TMPRSS4: variants seen among roughly 807,000 people sequenced by gnomAD.
TMPRSS4 encodes the protein transmembrane protease serine 4.
In TMPRSS4, 45 loss-of-function variants were observed where a neutral mutation model predicts 56.4. That is an observed-to-expected ratio of 0.80 (90% confidence interval 0.63 to 1.02). The LOEUF is 1.02. Ranked by LOEUF, TMPRSS4 falls within the 50% of genes least tolerant of loss-of-function variation. The pLI is 0.00. For synonymous variants in TMPRSS4, 205 were observed against 211.0 expected, an observed-to-expected ratio of 0.97 and a Z score of 0.25; for missense variants, 546 against 556.7, an observed-to-expected ratio of 0.98 and a Z score of 0.19.
At chr11:118,103,987 A>C (rs1946863196) in intron 4 of TMPRSS4, among the ~76,000 whole-genome samples, 1 of 152,210 alleles carries the variant, frequency 6.6e-6, no homozygotes, top group Non-Finnish European at 1.5e-5. Context: ...ATGCTATGTG[A>C]CAGGACTGAG....
chr11:118,114,861 G>T lies in TMPRSS4; in HGVS notation c.943G>T (p.Asp315Tyr), dbSNP rs145769991. 6.2e-7 allele frequency: 1 copy of T among 1,609,216 alleles called. No individual in the cohort carries two copies. The highest frequency in any genetic ancestry group is 8.5e-7 in the Non-Finnish European group (1 of 1,178,002). The stretch of plus-strand genomic sequence containing the variant: ...CAGGCCCATCTGTCTGCCCTTCTTT[G>T]ATGAGGAGCTCACTCCAGCCACCCC... The part of the protein sequence containing the change: ...TVRPICLPFF[D>Y]EELTPATPLW... The change falls in exon 10 of 13, where the codon GAT becomes TAT. Residue 315 changes from aspartate to tyrosine, a missense_variant. Transcript: ENST00000437212.
rs1454647340 is a variant in TMPRSS4, at chr11:118,119,767, C to G, written c.*1854C>G. On this transcript the variant is annotated 3_prime_UTR_variant, in exon 13 of 13. Transcript: ENST00000437212. The stretch of plus-strand genomic sequence containing the variant: ...AATACAGAGTTCATGCTGTAAACTA[C>G]CACACTATAGGGCCTCCAATATGAT... 6.6e-6 allele frequency: 1 copy of G among 152,160 alleles called. No homozygotes were observed. The highest frequency in any genetic ancestry group is 1.5e-5 in the Non-Finnish European group (1 of 68,030). 9.4% of individuals were successfully genotyped at this position (152,160 alleles called of 1,614,324 possible).
Position 118,114,913 on chromosome 11 carries a change from C to A in TMPRSS4, c.995C>A (p.Thr332Lys), listed in dbSNP as rs201401144. ...TPLWIIGWGF[T>K]KQNGGKMSDI... is the part of the protein sequence containing the mutation. ...CTCTGGATCATTGGATGGGGCTTTA[C>A]GAAGCAGAATGGAGGTAAGTCCTGG... The change falls in exon 10 of 13, where the codon ACG (threonine) becomes AAG (lysine). Residue 332 changes from threonine to lysine, a missense_variant. Coordinates refer to ENST00000437212, the MANE Select transcript of TMPRSS4 (RefSeq NM_019894.4). 25 of 1,603,006 alleles carry A rather than the reference C, an allele frequency of 1.6e-5. No individual in the cohort carries two copies. The highest frequency in any genetic ancestry group is 2.1e-5 in the Non-Finnish European group (25 of 1,174,524).
At chr11:118,078,262 G>A (rs1042208197) in intron 1 of TMPRSS4, among the ~76,000 whole-genome samples, 40 of 152,080 alleles carry the variant, frequency 2.6e-4, no homozygotes, top group Admixed American at 5.2e-4. Flanking sequence ...TGGGTCTGAG[G>A]AGGAACCCAG....
At chr11:118,099,356 G>C (rs1302240101) in intron 3 of TMPRSS4, among the ~76,000 whole-genome samples, 1 of 151,568 alleles carries the variant, frequency 6.6e-6, no homozygotes, top group Non-Finnish European at 1.5e-5. Flanking sequence ...ACAGTCAGGG[G>C]CAGGTGATCT....
At chr11:118,111,942 A>G (rs749789734) in intron 8 of TMPRSS4, 42 bp downstream of exon 8, 1 of 1,585,890 alleles carries the variant, frequency 6.3e-7, no homozygotes, top group Non-Finnish European at 8.6e-7. Flanking sequence ...GACCAAGGCC[A>G]GTCAGGGACC....
intron 4 of TMPRSS4, 119 bp from the exon 5 acceptor site, chr11:118,104,572 G>A (rs1946889211): frequency 1.6e-5 from 24 of 1,490,960 alleles, no homozygotes; most frequent in Non-Finnish European, 2.0e-5. Context: ...AAGTGTTGGG[G>A]CTCTGTGGCA....
At position 118,117,985 on chromosome 11, in the gene TMPRSS4, A is replaced by G. The variant is rs1457708470; in HGVS notation, c.*72A>G. The stretch of plus-strand genomic sequence containing the variant: ...GCCCACCTGGGGATCCCCCAAAGTC[A>G]GACACAGAGCAAGAGTCCCCTTGGG... On this transcript the variant is annotated 3_prime_UTR_variant, in exon 13 of 13. Coordinates refer to ENST00000437212, the MANE Select transcript of TMPRSS4 (RefSeq NM_019894.4). 5.0e-6 allele frequency: 8 copies of G among 1,611,068 alleles called. No individual in the cohort carries two copies. The highest frequency in any genetic ancestry group is 5.9e-6 in the Non-Finnish European group (7 of 1,179,876).
rs1662428022 is a variant in TMPRSS4 at position 118,119,498 on chromosome 11, C to G, written c.*1585C>G. 2 of 295,700 alleles carry G rather than the reference C, an allele frequency of 6.8e-6. No individual in the cohort carries two copies. Among genetic ancestry groups the G allele is most frequent in the Non-Finnish European group, 1.0e-5 (2 of 199,564 alleles). 18.3% of individuals were successfully genotyped at this position (295,700 alleles called of 1,614,324 possible). A position where few individuals can be genotyped will look rare whatever the true frequency, so the allele number is the denominator to read the frequency against. On this transcript the variant is annotated 3_prime_UTR_variant, in exon 13 of 13. Coordinates refer to ENST00000437212, the MANE Select transcript of TMPRSS4 (RefSeq NM_019894.4). ...AGCATAAAAAACAGCTAATTTAGAA[C>G]CCCAAAGGCTTCAGATGTCAGAATA... is the stretch of plus-strand genomic sequence containing the variant.
At chr11:118,082,180 GC>G (rs761246100) in intron 1 of TMPRSS4, among the ~76,000 whole-genome samples, 2 of 152,182 alleles carry the variant, frequency 1.3e-5, no homozygotes, top group African/African-American at 4.8e-5. Flanking sequence ...CCCATGTTGT[GC>G]TTTGAGAAGC....
chr11:118,093,441 C>T (rs1834387058), intron 1 of TMPRSS4, among the ~76,000 whole-genome samples: 1 of 152,194 alleles, frequency 6.6e-6, no homozygotes, highest in African/African-American at 2.4e-5. Context: ...GTTCAGAGGG[C>T]ATAAACCCAG....
In TMPRSS4 at chr11:118,118,389, T is replaced by A; in HGVS notation, c.*476T>A. On this transcript the variant is annotated 3_prime_UTR_variant, in exon 13 of 13. Transcript: ENST00000437212. ...GCCCTACTGTTGGTATGACTACCGTTACCTACTGTTGTCATTGTTATTACA... is the reference window on the plus strand; with the variant it reads ...GCCCTACTGTTGGTATGACTACCGTAACCTACTGTTGTCATTGTTATTACA... The A allele has an allele frequency of 1.0e-6, 1 of 999,896 alleles. No homozygotes were observed. The highest frequency in any genetic ancestry group is 1.2e-6 in the Non-Finnish European group (1 of 839,832). 61.9% of individuals were successfully genotyped at this position (999,896 alleles called of 1,614,324 possible).
rs1387167563 is a variant in TMPRSS4, at chr11:118,113,373, C to G, written c.848C>G (p.Pro283Arg). ...AAGATCATCATCATTGAATTCAACCCCATGTACCCCAAAGACAATGACATC... is the reference window on the plus strand; with the variant it reads ...AAGATCATCATCATTGAATTCAACCGCATGTACCCCAAAGACAATGACATC... ...VAKIIIIEFNPMYPKDNDIAL... is the reference protein window; with the variant it reads ...VAKIIIIEFNRMYPKDNDIAL... Residue 283 changes from proline (P) to arginine (R), a missense_variant, in exon 9 of 13, where the codon CCC becomes CGC. Transcript: ENST00000437212. 4 of 1,614,048 alleles carry G rather than the reference C, an allele frequency of 2.5e-6. No homozygotes were observed. Among genetic ancestry groups the G allele is most frequent in the Non-Finnish European group, 3.4e-6 (4 of 1,180,042 alleles).
At chr11:118,098,211 C>A (rs1233417792) in intron 2 of TMPRSS4, among the ~76,000 whole-genome samples, 1 of 152,232 alleles carries the variant, frequency 6.6e-6, no homozygotes, top group East Asian at 1.9e-4. Flanking sequence ...ACCCATCCTG[C>A]CTTCCAACTT....
intron 11 of TMPRSS4, among the ~76,000 whole-genome samples, chr11:118,117,039 C>T (rs1947597031): frequency 1.3e-5 from 2 of 152,138 alleles, no homozygotes; most frequent in African/African-American, 2.4e-5. Flanking sequence ...AGACATCACT[C>T]AGAGCCTTTA....
chr11:118,116,736 C>T (rs1446673859), intron 11 of TMPRSS4, among the ~76,000 whole-genome samples: 6 of 75,356 alleles, frequency 8.0e-5, no homozygotes, highest in East Asian at 8.7e-4. Flanking sequence ...TTTTTTGAGA[C>T]TGAGTCTCAC....
intron 9 of TMPRSS4, 95 bp downstream of exon 9, chr11:118,113,530 C>G: frequency 7.0e-7 from 1 of 1,433,256 alleles, no homozygotes; most frequent in Non-Finnish European, 9.6e-7. Context: ...CACATAATGT[C>G]TCCTCTCAAG....
rs34570367 is a variant in TMPRSS4, at chr11:118,120,401, A to G, written c.*2488A>G. The G allele has an allele frequency of 0.016, 2,506 of 152,266 alleles. 39 individuals are homozygous for G. The highest frequency in any genetic ancestry group is 0.023 in the Non-Finnish European group (1,575 of 68,022). The allele number at this position is 152,266 out of a possible 1,614,324, so 9.4% of individuals were successfully genotyped here. ...TTGAGGAACTGATATATTGCTTTCC[A>G]TAGAGACTGCACCATTTTACATTCC... On this transcript the variant is annotated 3_prime_UTR_variant, in exon 13 of 13. Coordinates refer to ENST00000437212, the MANE Select transcript of TMPRSS4 (RefSeq NM_019894.4).
downstream of TMPRSS4, chr11:118,125,467 C>A (rs890854760): frequency 2.5e-6 from 1 of 403,650 alleles, no homozygotes; most frequent in African/African-American, 2.0e-5. Flanking sequence ...TGCCCATTTC[C>A]CTGGGATTGA....
Sources: allele counts gnomAD v4.1 joint callset (sites outside exome capture counted in the v4.1 genomes callset), GRCh38; gene constraint gnomAD v4.1.1; transcripts MANE v1.5; gene names NCBI Gene and HGNC (gene_info 2026-07-23, HGNC 2026-07-21).